The following FAM227B variants were observed in gnomAD, a reference collection of about 807,000 sequenced individuals.
FAM227B encodes the protein protein FAM227B.
A neutral mutation model predicts 73.8 loss-of-function variants in FAM227B; 88 were observed. The ratio of observed to expected loss-of-function variants is 1.19; its 90% CI spans 1.00 to 1.42. The LOEUF (loss-of-function observed/expected upper bound fraction) is 1.42, where lower values mean the gene tolerates loss of function less well. FAM227B is among the 40% of genes most tolerant of loss of function. The pLI is 0.00. For missense variants in FAM227B, 632 were observed against 590.9 expected (o/e 1.07, Z -0.72); for synonymous variants, 210 against 190.5 (o/e 1.10, Z -0.84).
At chr15:49,543,752 G>C (rs905302167) in intron 9 of FAM227B, among the ~76,000 whole-genome samples, 2 of 152,102 alleles carry the variant, frequency 1.3e-5, no homozygotes, top group African/African-American at 4.8e-5. Flanking sequence ...TTGTTAAATA[G>C]GGTCTCCTTT....
At chr15:49,614,859 T>C (rs571016120) in intron 2 of FAM227B, 4 of 422,358 alleles carry the variant, frequency 9.5e-6, no homozygotes, top group Admixed American at 7.1e-5. Flanking sequence ...CCTTGCTATA[T>C]AAAACCCTAA....
At chr15:49,411,201 G>A (rs1035057903) in intron 11 of FAM227B, among the ~76,000 whole-genome samples, 18 of 151,916 alleles carry the variant, frequency 1.2e-4, no homozygotes, top group African/African-American at 4.1e-4. Flanking sequence ...TATCACCAGG[G>A]TAATAGCATA....
intron 13 of FAM227B, among the ~76,000 whole-genome samples, chr15:49,359,773 T>G (rs528633373): frequency 7.4e-6 from 1 of 135,660 alleles, no homozygotes; most frequent in Admixed American, 7.3e-5. Flanking sequence ...CATGCTGCTA[T>G]AAAGACACAT....
intron 11 of FAM227B, among the ~76,000 whole-genome samples, chr15:49,426,004 C>A (rs2050098759): frequency 6.6e-6 from 1 of 151,180 alleles, no homozygotes; most frequent in Non-Finnish European, 1.5e-5. Flanking sequence ...TGGATAATAT[C>A]ATGGATATAA....
chr15:49,495,733 T>C (rs2057542421), intron 11 of FAM227B, among the ~76,000 whole-genome samples: 1 of 152,068 alleles, frequency 6.6e-6, no homozygotes, highest in Non-Finnish European at 1.5e-5. Context: ...AGGTGCAAAC[T>C]AAAATCCGGG....
At chr15:49,512,585 T>G (rs1021314090) in intron 10 of FAM227B, among the ~76,000 whole-genome samples, 4 of 151,248 alleles carry the variant, frequency 2.6e-5, no homozygotes, top group Non-Finnish European at 5.9e-5. Flanking sequence ...TTTTAATTAT[T>G]TATTTATTTA....
chr15:49,363,120 C>T (rs2044540106), intron 13 of FAM227B, among the ~76,000 whole-genome samples: 1 of 152,026 alleles, frequency 6.6e-6, no homozygotes, highest in Non-Finnish European at 1.5e-5. Context: ...TTTTTTGGTT[C>T]AACATAAATT....
intron 13 of FAM227B, among the ~76,000 whole-genome samples, chr15:49,351,621 G>A (rs1325949696): frequency 6.6e-6 from 1 of 152,196 alleles, no homozygotes; most frequent in East Asian, 1.9e-4. Flanking sequence ...CGGACCTAAA[G>A]ACAAAGATCA....
intron 14 of FAM227B, among the ~76,000 whole-genome samples, chr15:49,332,287 C>T (rs983654364): frequency 1.3e-5 from 2 of 152,102 alleles, no homozygotes; most frequent in Non-Finnish European, 2.9e-5. Context: ...AAGGCTCTAG[C>T]CCAGACTTTA....
At chr15:49,458,293 G>A (rs904838547) in intron 11 of FAM227B, among the ~76,000 whole-genome samples, 29 of 151,632 alleles carry the variant, frequency 1.9e-4, no homozygotes, top group Non-Finnish European at 2.9e-4. Flanking sequence ...ACCCCCCCAC[G>A]TGCCAAATAG....
chr15:49,537,427 A>C (rs1205794938), intron 10 of FAM227B, among the ~76,000 whole-genome samples: 1 of 152,154 alleles, frequency 6.6e-6, no homozygotes, highest in African/African-American at 2.4e-5. Context: ...AAAATTGGTA[A>C]GGGTGTGCAT....
chr15:49,375,127 A>G (rs1342391423), intron 11 of FAM227B, among the ~76,000 whole-genome samples: 1 of 152,178 alleles, frequency 6.6e-6, no homozygotes, highest in Non-Finnish European at 1.5e-5. Context: ...TTCTCCAAGT[A>G]ATGTTAACAT....
At chr15:49,385,192 T>C (rs2046803855) in intron 11 of FAM227B, among the ~76,000 whole-genome samples, 1 of 151,968 alleles carries the variant, frequency 6.6e-6, no homozygotes. Context: ...TAACTCCATC[T>C]TGACCAATTG....
At chr15:49,404,905 A>G (rs1480246455) in intron 11 of FAM227B, among the ~76,000 whole-genome samples, 1 of 152,102 alleles carries the variant, frequency 6.6e-6, no homozygotes, top group Non-Finnish European at 1.5e-5. Context: ...TTTCCCGTCC[A>G]TATTTAGTGC....
intron 2 of FAM227B, 136 bp downstream of exon 2, chr15:49,614,985 G>T: frequency 2.6e-6 from 2 of 765,954 alleles, no homozygotes; most frequent in Non-Finnish European, 2.3e-6. Flanking sequence ...CATCTGTGCA[G>T]CGAGCATTAA....
chr15:49,392,173 T>C (rs571163070), intron 11 of FAM227B, among the ~76,000 whole-genome samples: 1 of 152,194 alleles, frequency 6.6e-6, no homozygotes, highest in East Asian at 1.9e-4. Flanking sequence ...GGCAAATATA[T>C]TGCATCAGAA....
At chr15:49,518,135 A>G (rs2059510263) in intron 10 of FAM227B, among the ~76,000 whole-genome samples, 1 of 152,210 alleles carries the variant, frequency 6.6e-6, no homozygotes, top group Non-Finnish European at 1.5e-5. Flanking sequence ...GCACATTTCT[A>G]TAGGGCATGT....
chr15:49,564,496 C>T (rs2074487850), intron 9 of FAM227B, among the ~76,000 whole-genome samples: 3 of 152,044 alleles, frequency 2.0e-5, no homozygotes, highest in Admixed American at 2.0e-4. Flanking sequence ...GCGTGTTTAC[C>T]CAAAGGAAAA....
intron 1 of FAM227B, among the ~76,000 whole-genome samples, chr15:49,618,454 A>G (rs1353496370): frequency 2.0e-5 from 3 of 152,238 alleles, no homozygotes; most frequent in Non-Finnish European, 2.9e-5. Flanking sequence ...TAAATAATAC[A>G]TTAAAAATGG....
Sources: gnomAD v4.1 joint callset for allele counts (sites outside exome capture counted in the v4.1 genomes callset) on GRCh38, gnomAD v4.1.1 for gene constraint, MANE v1.5 for transcripts, NCBI Gene and HGNC (gene_info 2026-07-23, HGNC 2026-07-21) for gene names.